The following CNNM1 variants were observed in gnomAD, a reference collection of about 807,000 sequenced individuals.
CNNM1 encodes the protein metal transporter CNNM1.
In CNNM1, 44 loss-of-function variants were observed where a neutral mutation model predicts 78.8. The ratio of observed to expected loss-of-function variants is 0.56; its 90% CI spans 0.44 to 0.72. The LOEUF is 0.72. CNNM1 is among the 30% of genes least tolerant of loss of function. The pLI, the probability that CNNM1 is intolerant of heterozygous loss-of-function variation, is 0.00. For missense variants in CNNM1, 1,101 were observed against 1,292.2 expected (o/e 0.85, Z 2.27); for synonymous variants, 584 against 581.5 (o/e 1.00, Z -0.06).
intron 6 of CNNM1, among the ~76,000 whole-genome samples, chr10:99,371,506 T>A (rs1175167424): frequency 6.6e-6 from 1 of 152,202 alleles, no homozygotes; most frequent in East Asian, 1.9e-4. Context: ...AACCAACGGT[T>A]CTTTTTCAGT....
At position 99,329,752 on chromosome 10, in the gene CNNM1, C is replaced by G. The variant is rs1184801719; in HGVS notation, c.365C>G (p.Ala122Gly). 1 of 1,501,840 alleles carries G rather than the reference C, an allele frequency of 6.7e-7. No individual in the cohort carries two copies. The allele number at this position is 1,501,840 out of a possible 1,614,324, so 93.0% of individuals were successfully genotyped here. ...GGCGGTGGCGGCGTGGCCCCCAGCGCGGTCCCCACTCGCCCCCCGGGACCG... is the reference window on the plus strand; with the variant it reads ...GGCGGTGGCGGCGTGGCCCCCAGCGGGGTCCCCACTCGCCCCCCGGGACCG... ...PPGGGGVAPS[A>G]VPTRPPGPQR... is the part of the protein sequence containing the mutation. The change falls in exon 1 of 11, where the codon GCG (alanine) becomes GGG (glycine). Residue 122 changes from alanine (A) to glycine (G), a missense_variant. Coordinates refer to ENST00000356713, the MANE Select transcript of CNNM1 (RefSeq NM_020348.3).
rs1482078371 is a variant in CNNM1 at position 99,333,638 on chromosome 10, C to T, written c.1573+2678C>T. On this transcript the variant is annotated intron_variant, in intron 1 of 10. Coordinates refer to ENST00000356713, the MANE Select transcript of CNNM1 (RefSeq NM_020348.3). Reference sequence around the variant, plus strand: ...GAGATTACAGGCATGAGCCACTGCACTTGGCCTCATTTAGTATTTTTTAAA... The same window carrying T: ...GAGATTACAGGCATGAGCCACTGCATTTGGCCTCATTTAGTATTTTTTAAA... 2.6e-5 allele frequency among the ~76,000 whole-genome samples: 4 copies of T among 152,178 alleles called. No individual in the cohort carries two copies. In the South Asian group the frequency reaches 8.3e-4, roughly 32 times the overall value.
intron 1 of CNNM1, among the ~76,000 whole-genome samples, chr10:99,356,293 T>TG (rs2031143018): frequency 6.6e-6 from 1 of 151,954 alleles, no homozygotes; most frequent in African/African-American, 2.4e-5. Flanking sequence ...TTGGCCAACA[T>TG]GGTGAAACCC....
At chr10:99,361,141 A>G (rs139557978) in intron 3 of CNNM1, among the ~76,000 whole-genome samples, 166 bp downstream of exon 3, 4 of 152,332 alleles carry the variant, frequency 2.6e-5, no homozygotes, top group African/African-American at 9.6e-5. Flanking sequence ...GATGCCACCT[A>G]CTGTCGTATT....
At chr10:99,387,727 C>T (rs552839443) in intron 7 of CNNM1, 93 bp from the exon 8 acceptor site, 5 of 1,312,180 alleles carry the variant, frequency 3.8e-6, no homozygotes, top group Non-Finnish European at 4.1e-6. Context: ...GTTCCAAGCA[C>T]CCCAGCGAGG....
At position 99,345,313 on chromosome 10, in the gene CNNM1, C is replaced by A. The variant is rs369967486; in HGVS notation, c.1574-12199C>A. ...TACATCAAAAATGATATGGAGAACA[C>A]TGACGAATCTGTAGGCTGTCTTCAG... On this transcript the variant is annotated intron_variant, in intron 1 of 10. Transcript: ENST00000356713. Among the ~76,000 whole-genome samples the A allele has an allele frequency of 1.2e-4, 18 of 152,292 alleles. 1 individual carries two copies. The East Asian group carries it at 3.5e-3, about 29-fold the overall frequency.
intron 6 of CNNM1, among the ~76,000 whole-genome samples, chr10:99,374,988 G>T (rs1465570453): frequency 6.6e-6 from 1 of 152,238 alleles, no homozygotes; most frequent in African/African-American, 2.4e-5. Flanking sequence ...CTTCAGAGAA[G>T]GTGGTGCCTC....
At chr10:99,385,394 A>T (rs2032278424) in intron 7 of CNNM1, among the ~76,000 whole-genome samples, 1 of 151,992 alleles carries the variant, frequency 6.6e-6, no homozygotes, top group East Asian at 1.9e-4. Flanking sequence ...TTCTTGATTA[A>T]GGATTTATTT....
intron 1 of CNNM1, among the ~76,000 whole-genome samples, chr10:99,335,695 G>A (rs542904106): frequency 9.1e-4 from 139 of 152,158 alleles, no homozygotes; most frequent in Middle Eastern, 3.4e-3. Flanking sequence ...AATCATTGTC[G>A]TCTGCACAGG....
chr10:99,368,529 G>C (rs2031695857), intron 6 of CNNM1: 1 of 766,038 alleles, frequency 1.3e-6, no homozygotes, highest in Admixed American at 2.3e-5. Flanking sequence ...GGAACAGACT[G>C]TCTCACCCAC....
chr10:99,332,564 G>C (rs978923483), intron 1 of CNNM1, among the ~76,000 whole-genome samples: 3 of 151,872 alleles, frequency 2.0e-5, no homozygotes, highest in African/African-American at 7.3e-5. Context: ...GAGGGAGGGA[G>C]GGAAGGGAAA....
intron 6 of CNNM1, among the ~76,000 whole-genome samples, chr10:99,376,080 C>G (rs1005189540): frequency 1.3e-4 from 20 of 152,230 alleles, no homozygotes; most frequent in African/African-American, 4.6e-4. Flanking sequence ...CAGTGCCCCC[C>G]TCAGGCCTAT....
intron 8 of CNNM1, 54 bp downstream of exon 8, chr10:99,388,057 C>A: frequency 6.3e-7 from 1 of 1,579,766 alleles, no homozygotes; most frequent in South Asian, 1.2e-5. Flanking sequence ...GAGGATGACC[C>A]TGCCTTCCTC....
chr10:99,355,714 T>G (rs1184365651), intron 1 of CNNM1, among the ~76,000 whole-genome samples: 2 of 152,234 alleles, frequency 1.3e-5, no homozygotes, highest in Non-Finnish European at 2.9e-5. Flanking sequence ...CTGTGTAACT[T>G]CAGGCATGCT....
intron 1 of CNNM1, among the ~76,000 whole-genome samples, chr10:99,354,298 T>C (rs949922776): frequency 6.6e-6 from 1 of 152,236 alleles, no homozygotes; most frequent in Admixed American, 6.5e-5. Context: ...GGGTAGGATG[T>C]AGTTGTTTCC....
At chr10:99,361,941 A>G (rs1315538562) in intron 3 of CNNM1, among the ~76,000 whole-genome samples, 1 of 152,228 alleles carries the variant, frequency 6.6e-6, no homozygotes, top group East Asian at 1.9e-4. Flanking sequence ...AATAAAATCA[A>G]AGAAAATTAA....
chr10:99,358,493 T>C (rs1015408129), intron 2 of CNNM1, among the ~76,000 whole-genome samples: 2 of 152,190 alleles, frequency 1.3e-5, no homozygotes, highest in Admixed American at 1.3e-4. Context: ...CGTTTCAGAC[T>C]TTGGTCCTTA....
intron 1 of CNNM1, among the ~76,000 whole-genome samples, chr10:99,337,539 C>T (rs2030245298): frequency 2.0e-5 from 3 of 152,224 alleles, no homozygotes; most frequent in Admixed American, 6.5e-5. Flanking sequence ...ACACTCAGCT[C>T]AGGGGCCTCC....
rs1589878371 is a variant in CNNM1 at position 99,329,895 on chromosome 10, G to A, written c.508G>A (p.Gly170Ser). Residue 170 changes from glycine (G) to serine (S), a missense_variant, in exon 1 of 11, where the codon GGC becomes AGC. By Grantham distance (56) the Gly-to-Ser change is moderately conservative. Transcript: ENST00000356713. ...GGTGCGAGTGCGGGAGCTGCGCAAG[G>A]GCGAAGCGGAGCGGGGCGGCGCGGG... ...VQVRVRELRK[G>S]EAERGGAGGG... 1 of 1,390,958 alleles carries A rather than the reference G, an allele frequency of 7.2e-7. No homozygotes were observed. Among genetic ancestry groups the A allele is most frequent in the Non-Finnish European group, 9.3e-7 (1 of 1,080,216 alleles). The allele number at this position is 1,390,958 out of a possible 1,614,324, so 86.2% of individuals were successfully genotyped here. A position where few individuals can be genotyped will look rare whatever the true frequency, so the allele number is the denominator to read the frequency against.
Sources: allele counts gnomAD v4.1 joint callset (sites outside exome capture counted in the v4.1 genomes callset), GRCh38; gene constraint gnomAD v4.1.1; transcripts MANE v1.5; gene names NCBI Gene and HGNC (gene_info 2026-07-23, HGNC 2026-07-21).